The following RAD51B variants were observed in gnomAD, a reference collection of about 807,000 sequenced individuals.
RAD51B encodes the protein RAD51 paralog B, also known as DNA repair protein RAD51 homolog 2.
RAD51B carries 38 observed loss-of-function variants against 42.2 expected under a neutral mutation model. The observed-to-expected ratio is 0.90, with a 90% CI of 0.70 to 1.18. The LOEUF is 1.18. Ranked by LOEUF, RAD51B falls within the 50% of genes most tolerant of loss-of-function variation. The pLI, the probability that RAD51B is intolerant of heterozygous loss-of-function variation, is 0.00. For missense variants in RAD51B, 373 were observed against 400.7 expected (o/e 0.93, Z 0.59); for synonymous variants, 154 against 145.2 (o/e 1.06, Z -0.43).
chr14:68,619,950 G>A (rs569537365), intron 10 of RAD51B, among the ~76,000 whole-genome samples: 2 of 152,064 alleles, frequency 1.3e-5, no homozygotes, highest in Non-Finnish European at 2.9e-5. Context: ...ACTTTCACTT[G>A]ATCCTTGCCC....
chr14:68,444,057 A>G (rs1161376288), intron 9 of RAD51B, among the ~76,000 whole-genome samples: 2 of 152,184 alleles, frequency 1.3e-5, no homozygotes, highest in Non-Finnish European at 2.9e-5. Context: ...TCTCCATGGC[A>G]TGGCCTTCAT....
At chr14:68,324,270 T>C (rs1331785187) in intron 8 of RAD51B, among the ~76,000 whole-genome samples, 1 of 152,226 alleles carries the variant, frequency 6.6e-6, no homozygotes, top group African/African-American at 2.4e-5. Context: ...AAACCATCTA[T>C]ACCCAACCCG....
intron 7 of RAD51B, among the ~76,000 whole-genome samples, chr14:67,914,447 A>T (rs964926214): frequency 6.6e-6 from 1 of 152,202 alleles, no homozygotes; most frequent in Non-Finnish European, 1.5e-5. Context: ...TCCATTGAGT[A>T]TATGTACCAC....
At chr14:68,042,601 ACCCTTTCTCCCTC>A (rs1011499569) in intron 7 of RAD51B, among the ~76,000 whole-genome samples, 1 of 151,964 alleles carries the variant, frequency 6.6e-6, no homozygotes, top group African/African-American at 2.4e-5. Context: ...TTTTGTACAC[ACCCTTTCTCCCTC>A]CCCTTTCCCA....
chr14:68,288,681 T>A (rs1342361693), intron 7 of RAD51B, among the ~76,000 whole-genome samples: 3 of 152,248 alleles, frequency 2.0e-5, no homozygotes, highest in Non-Finnish European at 2.9e-5. Context: ...TGTCATTGAA[T>A]TTGTAAGTTT....
intron 7 of RAD51B, among the ~76,000 whole-genome samples, chr14:67,929,838 T>A (rs1165256101): frequency 2.0e-5 from 3 of 151,814 alleles, no homozygotes; most frequent in Non-Finnish European, 4.4e-5. Flanking sequence ...TTTTAAGAAA[T>A]GGGGTCTCAA....
At chr14:68,158,225 A>T (rs918119514) in intron 7 of RAD51B, among the ~76,000 whole-genome samples, 1 of 152,188 alleles carries the variant, frequency 6.6e-6, no homozygotes, top group African/African-American at 2.4e-5. Context: ...AAATATATGA[A>T]GTTATAATGA....
At chr14:68,006,318 A>C (rs2075591710) in intron 7 of RAD51B, among the ~76,000 whole-genome samples, 1 of 152,134 alleles carries the variant, frequency 6.6e-6, no homozygotes, top group Non-Finnish European at 1.5e-5. Context: ...TATTTTTATT[A>C]GTTACTCAGT....
chr14:67,931,835 T>A (rs2044750012), intron 7 of RAD51B, among the ~76,000 whole-genome samples: 2 of 152,330 alleles, frequency 1.3e-5, no homozygotes, highest in Admixed American at 1.3e-4. Flanking sequence ...TATTGGGATG[T>A]GTTGCTGGAG....
intron 7 of RAD51B, among the ~76,000 whole-genome samples, chr14:68,249,400 A>G (rs2080571632): frequency 2.0e-5 from 3 of 152,220 alleles, no homozygotes; most frequent in Admixed American, 1.3e-4. Flanking sequence ...AACTCCTGTA[A>G]AACCAAGTCT....
At chr14:67,842,558 T>C (rs1202499600) in intron 4 of RAD51B, among the ~76,000 whole-genome samples, 1 of 152,108 alleles carries the variant, frequency 6.6e-6, no homozygotes, top group Non-Finnish European at 1.5e-5. Context: ...TTAGTAGAGA[T>C]GGGGTTTCAC....
chr14:68,648,110 C>CGTATATAT lies in RAD51B; in HGVS notation c.1037-2671_1037-2670insGTATATAT, dbSNP rs1486834430. ...ACGTGTGTGTATATATATATACACA[C>CGTATATAT]ACGTATATATATATACACACACGTA... On this transcript the variant is annotated intron_variant, in intron 10 of 11. Transcript: ENST00000488612. Among the ~76,000 whole-genome samples the CGTATATAT allele has an allele frequency of 4.7e-3, 64 of 13,738 alleles. 2 individuals are homozygous for CGTATATAT. The highest frequency in any genetic ancestry group is 0.016 in the East Asian group (3 of 186). 9.0% of individuals were successfully genotyped at this position (13,738 alleles called of 152,430 possible). A position where few individuals can be genotyped will look rare whatever the true frequency, so the allele number is the denominator to read the frequency against.
intron 7 of RAD51B, among the ~76,000 whole-genome samples, chr14:68,264,156 C>T (rs778962476): frequency 6.6e-6 from 1 of 152,174 alleles, no homozygotes; most frequent in African/African-American, 2.4e-5. Context: ...TTGCTTAAAA[C>T]AGGGGTGAGG....
intron 7 of RAD51B, among the ~76,000 whole-genome samples, chr14:67,904,924 C>T (rs2140100274): frequency 7.1e-6 from 1 of 140,844 alleles, no homozygotes. Context: ...TAACTAGATC[C>T]TATTTGTCAG....
intron 11 of RAD51B, among the ~76,000 whole-genome samples, chr14:68,654,553 A>C (rs1457038119): frequency 6.6e-6 from 1 of 151,474 alleles, no homozygotes; most frequent in East Asian, 1.9e-4. Flanking sequence ...TGGGAAGAGA[A>C]CTCCCCGCCC....
At chr14:67,931,831 G>C (rs2044749602) in intron 7 of RAD51B, among the ~76,000 whole-genome samples, 1 of 152,080 alleles carries the variant, frequency 6.6e-6, no homozygotes, top group Non-Finnish European at 1.5e-5. Context: ...TTTTTATTGG[G>C]ATGTGTTGCT....
chr14:68,353,644 A>T (rs1275052024), intron 8 of RAD51B, among the ~76,000 whole-genome samples: 1 of 152,228 alleles, frequency 6.6e-6, no homozygotes, highest in Non-Finnish European at 1.5e-5. Flanking sequence ...AGCAGAGAGG[A>T]TAAAAACGTG....
chr14:68,343,645 C>T (rs2139844345), intron 8 of RAD51B, among the ~76,000 whole-genome samples: 1 of 152,346 alleles, frequency 6.6e-6, no homozygotes, highest in South Asian at 2.1e-4. Flanking sequence ...ATTAGCGTGA[C>T]TAAAAGGGAG....
At chr14:68,031,705 A>G (rs991699143) in intron 7 of RAD51B, among the ~76,000 whole-genome samples, 1 of 152,304 alleles carries the variant, frequency 6.6e-6, no homozygotes, top group African/African-American at 2.4e-5. Flanking sequence ...AATGAACGGC[A>G]GTTTCAGATA....
Sources: gnomAD v4.1 joint callset for allele counts (sites outside exome capture counted in the v4.1 genomes callset) on GRCh38, gnomAD v4.1.1 for gene constraint, MANE v1.5 for transcripts, NCBI Gene and HGNC (gene_info 2026-07-23, HGNC 2026-07-21) for gene names.